Variants in PAX5 observed in about 807,000 individuals in gnomAD.
PAX5 encodes the protein paired box protein Pax-5.
A neutral mutation model predicts 43.7 loss-of-function variants in PAX5; 9 were observed. That is an observed-to-expected ratio of 0.21 (90% CI 0.12 to 0.36). PAX5 has a LOEUF of 0.36. Among genes scored for constraint, PAX5 ranks in the 10% least tolerant of loss-of-function variants. PAX5 has a pLI of 1.00. For synonymous variants in PAX5, 228 were observed against 214.3 expected, an observed-to-expected ratio of 1.06 and a Z score of -0.56; for missense variants, 383 against 532.7, an observed-to-expected ratio of 0.72 and a Z score of 2.77.
At chr9:36,984,492 G>A (rs917342766) in intron 5 of PAX5, among the ~76,000 whole-genome samples, 5 of 128,918 alleles carry the variant, frequency 3.9e-5, no homozygotes, top group Admixed American at 9.7e-5. Context: ...CCAGGCTGGA[G>A]TGCAGTGGCA....
chr9:36,867,789 G>A (rs984541845), intron 8 of PAX5, among the ~76,000 whole-genome samples: 7 of 151,268 alleles, frequency 4.6e-5, no homozygotes, highest in East Asian at 1.9e-4. Context: ...TCCCTGTTTC[G>A]GGCCCTTTAT....
intron 8 of PAX5, among the ~76,000 whole-genome samples, chr9:36,858,935 G>A (rs753549662): frequency 3.9e-5 from 6 of 152,162 alleles, no homozygotes; most frequent in Admixed American, 6.5e-5. Flanking sequence ...CTGGGAAGTC[G>A]CAGTGCTAGT....
intron 6 of PAX5, among the ~76,000 whole-genome samples, chr9:36,959,353 G>A (rs1249561371): frequency 6.6e-6 from 1 of 152,210 alleles, no homozygotes; most frequent in African/African-American, 2.4e-5. Context: ...TTAACAAGGA[G>A]GCCCATTCCA....
intron 6 of PAX5, among the ~76,000 whole-genome samples, chr9:36,940,993 G>A (rs1185946857): frequency 6.6e-6 from 1 of 152,214 alleles, no homozygotes; most frequent in Non-Finnish European, 1.5e-5. Flanking sequence ...AATGAAGGCA[G>A]GAACAGGCCC....
rs7851542 is a variant in PAX5, at chr9:36,837,033, G to A, written c.*3527C>T. The stretch of plus-strand genomic sequence containing the variant: ...GCCAACCTGCAGGCCCCTAGGTCAG[G>A]CCAGCCTCTGGGTCCCTGTTCTTTC... On this transcript the variant is annotated 3_prime_UTR_variant, in exon 10 of 10. Coordinates refer to ENST00000358127, the MANE Select transcript of PAX5 (RefSeq NM_016734.3). The A allele has an allele frequency of 2.1e-3, 481 of 232,912 alleles. 3 individuals carry two copies. The highest frequency in any genetic ancestry group is 1.0e-2 in the African/African-American group (452 of 45,404). The allele number at this position is 232,912 out of a possible 1,614,324, so 14.4% of individuals were successfully genotyped here. A position where few individuals can be genotyped will look rare whatever the true frequency, so the allele number is the denominator to read the frequency against.
At chr9:36,925,731 G>A (rs1186486327) in intron 6 of PAX5, among the ~76,000 whole-genome samples, 3 of 152,212 alleles carry the variant, frequency 2.0e-5, no homozygotes, top group Non-Finnish European at 4.4e-5. Flanking sequence ...AAAATCCTTG[G>A]GAACAAGTCT....
At chr9:37,027,733 G>T (rs1422917164) in intron 1 of PAX5, among the ~76,000 whole-genome samples, 1 of 152,232 alleles carries the variant, frequency 6.6e-6, no homozygotes, top group Non-Finnish European at 1.5e-5. Flanking sequence ...GCTCCCTCCG[G>T]GCGGGGGCGG....
At chr9:36,965,966 C>T (rs988817301) in intron 6 of PAX5, among the ~76,000 whole-genome samples, 9 of 152,214 alleles carry the variant, frequency 5.9e-5, no homozygotes, top group African/African-American at 2.2e-4. Flanking sequence ...GACAGCCGGT[C>T]AGCCAGGGCT....
chr9:36,994,377 T>TA (rs1837211261), intron 5 of PAX5, among the ~76,000 whole-genome samples: 1 of 152,116 alleles, frequency 6.6e-6, no homozygotes, highest in African/African-American at 2.4e-5. Context: ...ACCTGCAGGG[T>TA]ATAGAGCACA....
At chr9:36,955,836 G>A (rs892337946) in intron 6 of PAX5, among the ~76,000 whole-genome samples, 4 of 148,064 alleles carry the variant, frequency 2.7e-5, no homozygotes, top group Non-Finnish European at 5.9e-5. Flanking sequence ...ATGCTTTATT[G>A]TTATATTTGA....
At chr9:36,927,838 G>A (rs1167768903) in intron 6 of PAX5, among the ~76,000 whole-genome samples, 2 of 151,864 alleles carry the variant, frequency 1.3e-5, no homozygotes, top group Non-Finnish European at 2.9e-5. Context: ...CCTCCCAAGT[G>A]GCTGGGATTA....
intron 8 of PAX5, chr9:36,861,359 G>A (rs1048957293): frequency 3.3e-5 from 5 of 151,024 alleles, no homozygotes; most frequent in Non-Finnish European, 7.4e-5. Flanking sequence ...CCTGAACAAA[G>A]CAGATAACAG....
chr9:36,914,946 TA>T (rs1285694224), intron 7 of PAX5, among the ~76,000 whole-genome samples: 1 of 152,260 alleles, frequency 6.6e-6, no homozygotes, highest in Admixed American at 6.5e-5. Context: ...TACTTCAAAG[TA>T]TATCTTAGAC....
chr9:36,925,235 T>C (rs1830557155), intron 6 of PAX5, among the ~76,000 whole-genome samples: 1 of 152,158 alleles, frequency 6.6e-6, no homozygotes, highest in South Asian at 2.1e-4. Flanking sequence ...AGGCTCTAGA[T>C]GATTCGTGCT....
rs939859280 is a variant in PAX5 at position 37,026,656 on chromosome 9, G to A, written c.47-5855C>T. The A allele has an allele frequency of 3.7e-6, 5 of 1,348,028 alleles. No homozygotes were observed. In the African/African-American group the frequency reaches 4.4e-5, roughly 12 times the overall value. 83.5% of individuals were successfully genotyped at this position (1,348,028 alleles called of 1,614,324 possible). On this transcript the variant is annotated intron_variant, in intron 1 of 9. Coordinates refer to ENST00000358127, the MANE Select transcript of PAX5 (RefSeq NM_016734.3). The stretch of plus-strand genomic sequence containing the variant: ...CTGCCCAGGGCGGATAGGGAGCCTC[G>A]CCACCAGGCCAGGCACTGTGCGAGC...
intron 7 of PAX5, among the ~76,000 whole-genome samples, chr9:36,885,809 G>T (rs1826857819): frequency 6.6e-6 from 1 of 152,030 alleles, no homozygotes; most frequent in East Asian, 1.9e-4. Context: ...GCTTGAAAAA[G>T]AAATAGTAAT....
intron 5 of PAX5, among the ~76,000 whole-genome samples, chr9:37,002,345 A>G (rs1300196402): frequency 6.6e-6 from 1 of 152,202 alleles, no homozygotes; most frequent in Admixed American, 6.5e-5. Context: ...GCACGCACAC[A>G]GGGTCTTCTT....
chr9:36,863,954 C>CA (rs766667973), intron 8 of PAX5, among the ~76,000 whole-genome samples: 10 of 152,134 alleles, frequency 6.6e-5, no homozygotes, highest in Non-Finnish European at 1.0e-4. Flanking sequence ...ACTAAAAATA[C>CA]AAAAATTAGC....
chr9:37,019,264 T>G (rs1839657650), intron 2 of PAX5, among the ~76,000 whole-genome samples: 1 of 152,206 alleles, frequency 6.6e-6, no homozygotes, highest in Non-Finnish European at 1.5e-5. Flanking sequence ...TTTTCTTCTC[T>G]CGCTCCCATC....
Sources: allele counts gnomAD v4.1 joint callset (sites outside exome capture counted in the v4.1 genomes callset), GRCh38; gene constraint gnomAD v4.1.1; transcripts MANE v1.5; gene names NCBI Gene and HGNC (gene_info 2026-07-23, HGNC 2026-07-21).